HIPK3: variants seen among roughly 807,000 people sequenced by gnomAD.
The protein encoded by HIPK3 is homeodomain-interacting protein kinase 3.
A neutral mutation model predicts 124.2 loss-of-function variants in HIPK3; 47 were observed. The observed-to-expected ratio is 0.38, with a 90% CI of 0.30 to 0.48. The LOEUF is 0.48. Among genes scored for constraint, HIPK3 ranks in the 20% least tolerant of loss-of-function variants. HIPK3 has a pLI of 0.98. For synonymous variants in HIPK3, 482 were observed against 515.2 expected, an observed-to-expected ratio of 0.94 and a Z score of 0.87; for missense variants, 1,286 against 1,454.3, an observed-to-expected ratio of 0.88 and a Z score of 1.88.
chr11:33,273,283 T>C (rs1314733850), intron 1 of HIPK3, among the ~76,000 whole-genome samples: 1 of 151,942 alleles, frequency 6.6e-6, no homozygotes, highest in African/African-American at 2.4e-5. Flanking sequence ...GGCGGGCAGA[T>C]CACGAGGTCA....
At chr11:33,335,957 C>CT (rs1322270783) in intron 3 of HIPK3, among the ~76,000 whole-genome samples, 1 of 152,114 alleles carries the variant, frequency 6.6e-6, no homozygotes, top group East Asian at 1.9e-4. Flanking sequence ...GTACCATGCA[C>CT]TTTCATGGGC....
At chr11:33,292,614 A>T (rs958252957) in intron 2 of HIPK3, among the ~76,000 whole-genome samples, 2 of 152,194 alleles carry the variant, frequency 1.3e-5, no homozygotes, top group Non-Finnish European at 2.9e-5. Context: ...CAGCATTGGG[A>T]TGAAATTGCT....
At chr11:33,258,036 CCATCCG>C in intron 1 of HIPK3, 147 bp downstream of exon 1, 1 of 577,802 alleles carries the variant, frequency 1.7e-6, no homozygotes, top group African/African-American at 2.5e-5. Context: ...GTCCCGTGCC[CCATCCG>C]CATCCCCAGC....
At chr11:33,306,933 A>C (rs1023740507) in intron 2 of HIPK3, among the ~76,000 whole-genome samples, 1 of 147,910 alleles carries the variant, frequency 6.8e-6, no homozygotes, top group Non-Finnish European at 1.5e-5. Flanking sequence ...TGATAGATGC[A>C]TCCACTTTTT....
At chr11:33,305,133 T>G (rs1393679740) in intron 2 of HIPK3, among the ~76,000 whole-genome samples, 1 of 152,204 alleles carries the variant, frequency 6.6e-6, no homozygotes, top group African/African-American at 2.4e-5. Flanking sequence ...CCCAAGTAGC[T>G]GGGATTACAG....
intron 2 of HIPK3, among the ~76,000 whole-genome samples, chr11:33,303,619 C>T (rs981553879): frequency 2.0e-5 from 3 of 152,110 alleles, no homozygotes; most frequent in African/African-American, 4.8e-5. Context: ...ATGTCCTTCC[C>T]GACCTCACAC....
intron 1 of HIPK3, chr11:33,258,455 C>T (rs1195925288): frequency 3.0e-6 from 3 of 985,278 alleles, no homozygotes; most frequent in African/African-American, 3.5e-5. Context: ...GGTGTCAACT[C>T]TGGGGACGTG....
intron 1 of HIPK3, chr11:33,258,656 TTCTC>T (rs1850740612): frequency 1.0e-6 from 1 of 985,214 alleles, no homozygotes; most frequent in African/African-American, 1.7e-5. Flanking sequence ...AAATGTCTGT[TTCTC>T]TGTCGGGAGG....
Position 33,274,107 on chromosome 11 carries a change from A to G in HIPK3, c.-2-12306A>G, listed in dbSNP as rs116592676. ...CCTTTGGTTCTCTACATGTTCATTT[A>G]GAGCTTTGAATCATTATCTCATACA... On this transcript the variant is annotated intron_variant, in intron 1 of 16. Coordinates refer to ENST00000303296, the MANE Select transcript of HIPK3 (RefSeq NM_005734.5). Among the ~76,000 whole-genome samples the G allele has an allele frequency of 5.2e-3, 789 of 152,324 alleles. 6 individuals are homozygous for G. Among genetic ancestry groups the G allele is most frequent in the African/African-American group, 0.018 (732 of 41,570 alleles).
At chr11:33,302,692 A>T (rs1459072277) in intron 2 of HIPK3, among the ~76,000 whole-genome samples, 1 of 152,192 alleles carries the variant, frequency 6.6e-6, no homozygotes, top group Non-Finnish European at 1.5e-5. Context: ...AGTGATTTCA[A>T]TAATATGAAG....
intron 1 of HIPK3, among the ~76,000 whole-genome samples, chr11:33,281,070 T>A (rs1215287328): frequency 1.9e-5 from 1 of 53,086 alleles, no homozygotes; most frequent in Non-Finnish European, 3.5e-5. Flanking sequence ...TTTTTTTTTT[T>A]TTTTTTTTTT....
At chr11:33,283,606 G>A (rs1851469377) in intron 1 of HIPK3, among the ~76,000 whole-genome samples, 1 of 151,756 alleles carries the variant, frequency 6.6e-6, no homozygotes, top group Non-Finnish European at 1.5e-5. Context: ...ACGTTTACTT[G>A]TTCCTTGTAC....
intron 1 of HIPK3, among the ~76,000 whole-genome samples, chr11:33,260,223 G>T (rs972569338): frequency 5.3e-5 from 8 of 152,182 alleles, no homozygotes; most frequent in Non-Finnish European, 1.2e-4. Context: ...GACGTAGGTT[G>T]CTGTTGCAAG....
chr11:33,338,444 GGAT>G (rs1853225448), intron 4 of HIPK3, among the ~76,000 whole-genome samples: 2 of 152,146 alleles, frequency 1.3e-5, no homozygotes, highest in East Asian at 3.9e-4. Context: ...ATGTTGACCA[GGAT>G]GGTCTCGATC....
intron 1 of HIPK3, among the ~76,000 whole-genome samples, chr11:33,281,105 T>C (rs1448318128): frequency 2.8e-5 from 4 of 145,290 alleles, no homozygotes; most frequent in Non-Finnish European, 6.0e-5. Flanking sequence ...AGTCTTGCTC[T>C]GTCGCCCAGG....
chr11:33,307,693 A>G (rs924466414), intron 2 of HIPK3, among the ~76,000 whole-genome samples: 20 of 151,664 alleles, frequency 1.3e-4, no homozygotes, highest in African/African-American at 4.6e-4. Flanking sequence ...GGCGTGAACC[A>G]CCGTGCCTGG....
chr11:33,355,908 A>G lies in HIPK3; in HGVS notation c.*2340A>G, dbSNP rs551118581. The stretch of plus-strand genomic sequence containing the variant: ...ATTTAAAAGATTATTTACAGATGAC[A>G]CATTTATGGGGTCACTATTTAAGTA... On this transcript the variant is annotated 3_prime_UTR_variant, in exon 17 of 17. Coordinates refer to ENST00000303296, the MANE Select transcript of HIPK3 (RefSeq NM_005734.5). 3 of 152,102 alleles carry G rather than the reference A, an allele frequency of 2.0e-5. No homozygotes were observed. Among genetic ancestry groups the G allele is most frequent in the African/African-American group, 7.2e-5 (3 of 41,572 alleles). The allele number at this position is 152,102 out of a possible 1,614,324, so 9.4% of individuals were successfully genotyped here.
At chr11:33,292,116 C>T (rs1471042673) in intron 2 of HIPK3, among the ~76,000 whole-genome samples, 1 of 152,102 alleles carries the variant, frequency 6.6e-6, no homozygotes, top group Admixed American at 6.5e-5. Flanking sequence ...TATAATGCAT[C>T]ATTTTTTCAA....
At chr11:33,272,224 C>T (rs1383876780) in intron 1 of HIPK3, among the ~76,000 whole-genome samples, 1 of 151,964 alleles carries the variant, frequency 6.6e-6, no homozygotes, top group Non-Finnish European at 1.5e-5. Flanking sequence ...ATGGTGAAAC[C>T]CCATCTCTAC....
Sources: allele counts gnomAD v4.1 joint callset (sites outside exome capture counted in the v4.1 genomes callset), GRCh38; gene constraint gnomAD v4.1.1; transcripts MANE v1.5; gene names NCBI Gene and HGNC (gene_info 2026-07-23, HGNC 2026-07-21).